ZC3H7A: variants seen among roughly 807,000 people sequenced by gnomAD.
ZC3H7A encodes zinc finger CCCH domain-containing protein 7A.
In ZC3H7A, 44 loss-of-function variants were observed where a neutral mutation model predicts 125.5. The observed-to-expected ratio is 0.35, with a 90% CI of 0.28 to 0.45. The LOEUF is 0.45. ZC3H7A is among the 20% of genes least tolerant of loss of function. The pLI is 1.00. For synonymous variants in ZC3H7A, 399 were observed against 391.2 expected, an observed-to-expected ratio of 1.02 and a Z score of -0.23; for missense variants, 977 against 1,170.7, an observed-to-expected ratio of 0.83 and a Z score of 2.41.
intron 1 of ZC3H7A, among the ~76,000 whole-genome samples, chr16:11,794,084 C>T (rs74400139): frequency 0.013 from 2,017 of 152,296 alleles, 53 homozygotes; most frequent in African/African-American, 0.046. Context: ...TATCTATGAC[C>T]TCTGTATGGA....
chr16:11,795,070 T>C (rs532768903), intron 1 of ZC3H7A, among the ~76,000 whole-genome samples: 1 of 152,292 alleles, frequency 6.6e-6, no homozygotes, highest in Non-Finnish European at 1.5e-5. Flanking sequence ...CAACAACTCA[T>C]GATCTCATCC....
intron 3 of ZC3H7A, 73 bp downstream of exon 3, chr16:11,781,352 C>A: frequency 6.8e-7 from 1 of 1,477,194 alleles, no homozygotes; most frequent in Non-Finnish European, 9.3e-7. Flanking sequence ...CCATCATTTG[C>A]CAACCCCTGC....
Position 11,795,435 on chromosome 16 carries a change from T to C in ZC3H7A, c.-35+1689A>G, listed in dbSNP as rs554576770. Among the ~76,000 whole-genome samples, 17 of 152,344 alleles carry C rather than the reference T, an allele frequency of 1.1e-4. No individual in the cohort carries two copies. The South Asian group carries it at 2.7e-3, about 24-fold the overall frequency. On this transcript the variant is annotated intron_variant, in intron 1 of 22. Coordinates refer to ENST00000355758, the MANE Select transcript of ZC3H7A (RefSeq NM_014153.4). The stretch of plus-strand genomic sequence containing the variant: ...CCATACGTGTCATTGTATGTATGTA[T>C]GTATGTACGCATGTATGTGGAGAGG...
chr16:11,752,796 T>TG lies in ZC3H7A; in HGVS notation c.2598dup (p.Asn867GlnfsTer3). The TG allele has an allele frequency of 6.2e-7, 1 of 1,613,674 alleles. No homozygotes were observed. The highest frequency in any genetic ancestry group is 8.5e-7 in the Non-Finnish European group (1 of 1,179,894). On this transcript the variant is annotated frameshift_variant, in exon 22 of 23. Transcript: ENST00000355758. LOFTEE classifies it high-confidence loss of function. ...TGGCCCTGCCACTGCTTCTCACTGT[T>TG]GCAGTTTTTCCCACACATCCAGCAG...
intron 3 of ZC3H7A, among the ~76,000 whole-genome samples, chr16:11,780,752 A>G (rs753039373): frequency 6.6e-6 from 1 of 152,174 alleles, no homozygotes; most frequent in Non-Finnish European, 1.5e-5. Flanking sequence ...TGACATTTAG[A>G]AGCCTCAAAA....
chr16:11,785,457 G>A (rs2053243192), intron 1 of ZC3H7A, among the ~76,000 whole-genome samples: 4 of 151,820 alleles, frequency 2.6e-5, no homozygotes, highest in South Asian at 2.1e-4. Context: ...AGTGAGCTAC[G>A]ATTGTGCCAC....
chr16:11,789,264 T>A (rs1413909442), intron 1 of ZC3H7A, among the ~76,000 whole-genome samples: 1 of 151,996 alleles, frequency 6.6e-6, no homozygotes, highest in East Asian at 2.0e-4. Context: ...TATGTTTGTT[T>A]GTTTTTATTT....
intron 1 of ZC3H7A, among the ~76,000 whole-genome samples, chr16:11,785,504 T>A (rs769897144): frequency 2.0e-5 from 3 of 151,442 alleles, no homozygotes; most frequent in Non-Finnish European, 2.9e-5. Flanking sequence ...AGACCCTGTC[T>A]CAAAAATAAT....
At chr16:11,768,820 G>A (rs1409481257) in intron 11 of ZC3H7A, among the ~76,000 whole-genome samples, 1 of 151,922 alleles carries the variant, frequency 6.6e-6, no homozygotes, top group African/African-American at 2.4e-5. Flanking sequence ...CTCTTACATT[G>A]TCTGCAATAC....
chr16:11,766,133 T>C (rs1009591721), intron 13 of ZC3H7A, among the ~76,000 whole-genome samples: 1 of 151,972 alleles, frequency 6.6e-6, no homozygotes. Flanking sequence ...CATTCTAAGC[T>C]CATTCACACA....
At chr16:11,754,200 G>T (rs1001435410) in intron 21 of ZC3H7A, among the ~76,000 whole-genome samples, 1 of 149,746 alleles carries the variant, frequency 6.7e-6, no homozygotes, top group Non-Finnish European at 1.5e-5. Context: ...GCTGAGGTCG[G>T]AGGATCACCT....
chr16:11,763,714 TA>T (rs2052795674), intron 15 of ZC3H7A, 55 bp from the exon 16 acceptor site: 2 of 2,812 alleles, frequency 7.1e-4, no homozygotes, highest in East Asian at 0.056. Context: ...TTTTCAAATA[TA>T]TATATATATA....
At chr16:11,759,967 A>C (rs1401630797) in intron 19 of ZC3H7A, 1 of 151,982 alleles carries the variant, frequency 6.6e-6, no homozygotes, top group East Asian at 1.9e-4. Context: ...AAAATTACAA[A>C]AATTAGCTGA....
chr16:11,751,903 CTTTT>C (rs34041916), intron 22 of ZC3H7A, among the ~76,000 whole-genome samples: 8 of 128,930 alleles, frequency 6.2e-5, no homozygotes, highest in Non-Finnish European at 9.8e-5. Flanking sequence ...ACTGAAAAAC[CTTTT>C]TTTTTTTTTT....
rs1320657121 is a variant in ZC3H7A, at chr16:11,751,019, A to G, written c.*298T>C. On this transcript the variant is annotated 3_prime_UTR_variant, in exon 23 of 23. Coordinates refer to ENST00000355758, the MANE Select transcript of ZC3H7A (RefSeq NM_014153.4). ...CGATTCTTATATGAAGGACCAACTC[A>G]AAGAGTTGTCCTAGATATAACCTTA... The G allele has an allele frequency of 4.5e-6, 1 of 222,300 alleles. No homozygotes were observed. The highest frequency in any genetic ancestry group is 8.8e-6 in the Non-Finnish European group (1 of 114,148). The allele number at this position is 222,300 out of a possible 1,614,324, so 13.8% of individuals were successfully genotyped here.
At chr16:11,755,546 C>T (rs1448413277) in intron 21 of ZC3H7A, among the ~76,000 whole-genome samples, 1 of 151,986 alleles carries the variant, frequency 6.6e-6, no homozygotes, top group Non-Finnish European at 1.5e-5. Flanking sequence ...TAAGGTCCAG[C>T]GGGGTAGACA....
In ZC3H7A at chr16:11,782,443, A is replaced by G. The variant is rs539408588; in HGVS notation, c.-34-55T>C. ...AAGGTACCAGGGTCCCTGGACTCCA[A>G]TGAAAACACCCACAAATCCAGACCT... On this transcript the variant is annotated intron_variant, in intron 1 of 22. Transcript: ENST00000355758. 147 of 1,430,838 alleles carry G rather than the reference A, an allele frequency of 1.0e-4. No homozygotes were observed. The East Asian group carries it at 1.3e-3, about 13-fold the overall frequency. The allele number at this position is 1,430,838 out of a possible 1,614,324, so 88.6% of individuals were successfully genotyped here. A position where few individuals can be genotyped will look rare whatever the true frequency, so the allele number is the denominator to read the frequency against.
intron 1 of ZC3H7A, among the ~76,000 whole-genome samples, chr16:11,794,273 G>C (rs962994105): frequency 6.6e-6 from 1 of 152,052 alleles, no homozygotes; most frequent in Admixed American, 6.6e-5. Context: ...TCCAAATTCA[G>C]GCCTTTTCAG....
At chr16:11,793,152 G>C (rs2053379970) in intron 1 of ZC3H7A, among the ~76,000 whole-genome samples, 1 of 151,984 alleles carries the variant, frequency 6.6e-6, no homozygotes, top group Non-Finnish European at 1.5e-5. Context: ...ACTAACACAG[G>C]ACCAAAGTCT....
Sources: gnomAD v4.1 joint callset for allele counts (sites outside exome capture counted in the v4.1 genomes callset) on GRCh38, gnomAD v4.1.1 for gene constraint, MANE v1.5 for transcripts, NCBI Gene and HGNC (gene_info 2026-07-23, HGNC 2026-07-21) for gene names.